Variants in CD1C observed in about 807,000 individuals in gnomAD.
CD1C encodes CD1c molecule, also known as T-cell surface glycoprotein CD1c.
Under a neutral mutation model 39.4 loss-of-function variants are expected in CD1C, and 47 were observed. That is an observed-to-expected ratio of 1.19 (90% confidence interval 0.94 to 1.52). CD1C has a LOEUF of 1.52. CD1C is among the 40% of genes most tolerant of loss of function. The probability of loss-of-function intolerance (pLI) is 0.00; values close to 1 mark genes in which losing one functional copy is unlikely to be tolerated. For synonymous variants in CD1C, 165 were observed against 150.8 expected (o/e 1.09, Z -0.69); for missense variants, 417 against 395.2 (o/e 1.06, Z -0.47).
chr1:158,291,525 C>A (rs918149346), intron 2 of CD1C, 125 bp downstream of exon 2: 3 of 941,414 alleles, frequency 3.2e-6, no homozygotes, highest in South Asian at 1.6e-5. Context: ...ATAGATGAAC[C>A]TTTTAAGGGA....
In CD1C at chr1:158,293,286, T is replaced by C. The variant is rs768553977; in HGVS notation, c.964T>C (p.Trp322Arg). ...PLVILIVLVL[W>R]FKKHCSYQDI... is the part of the protein sequence containing the mutation. ...GGTGATTCTAATAGTCCTTGTGTTA[T>C]GGTTTAAGAAGCACTGGTGAGTTTT... Residue 322 changes from tryptophan to arginine, a missense_variant, in exon 5 of 6, where the codon TGG becomes CGG. Physicochemically the swap from Trp to Arg is moderately radical, Grantham distance 101 (BLOSUM62 -3). Coordinates refer to ENST00000368170, the MANE Select transcript of CD1C (RefSeq NM_001765.3). The C allele has an allele frequency of 1.9e-6, 3 of 1,613,884 alleles. No individual in the cohort carries two copies. The highest frequency in any genetic ancestry group is 1.1e-5 in the South Asian group (1 of 91,040).
At chr1:158,290,222 C>T in intron 1 of CD1C, 97 bp downstream of exon 1, 3 of 1,085,208 alleles carry the variant, frequency 2.8e-6, no homozygotes, top group Non-Finnish European at 4.2e-6. Context: ...GAATGCTTGC[C>T]ATCTGAGCAT....
At chr1:158,292,560 G>T in intron 3 of CD1C, 36 bp from the exon 4 acceptor site, 1 of 1,600,400 alleles carries the variant, frequency 6.2e-7, no homozygotes, top group South Asian at 1.1e-5. Context: ...TTGTGTGTAA[G>T]TTTCTTCATC....
chr1:158,291,979 C>T, intron 2 of CD1C, 105 bp from the exon 3 acceptor site: 1 of 1,127,418 alleles, frequency 8.9e-7, no homozygotes, highest in South Asian at 1.6e-5. Flanking sequence ...CTCTCACATC[C>T]ATGTAAAACT....
In CD1C at chr1:158,294,071, G is replaced by A. The variant is rs113892954; in HGVS notation, c.*595G>A. 9.7e-3 allele frequency among the ~76,000 whole-genome samples: 1,470 copies of A among 152,294 alleles called. 23 individuals are homozygous for A. Among genetic ancestry groups the A allele is most frequent in the Middle Eastern group, 0.068 (20 of 294 alleles). On this transcript the variant is annotated 3_prime_UTR_variant, in exon 6 of 6. Coordinates refer to ENST00000368170, the MANE Select transcript of CD1C (RefSeq NM_001765.3). The stretch of plus-strand genomic sequence containing the variant: ...TCTCCTTAAACATTTAAGGAAAAGT[G>A]CAGCCTTGTGCCTTGATACACTTAT...
At chr1:158,293,078 TTGGAATAGAGTGAC>T in intron 4 of CD1C, 120 bp from the exon 5 acceptor site, 2 of 917,382 alleles carry the variant, frequency 2.2e-6, no homozygotes, top group Non-Finnish European at 3.4e-6. Context: ...TGAGTAAGTT[TTGGAATAGAGTGAC>T]TGAAATAGGA....
chr1:158,292,383 C>A lies in CD1C; in HGVS notation c.610+18C>A, dbSNP rs372819385. 1 of 1,602,666 alleles carries A rather than the reference C, an allele frequency of 6.2e-7. No homozygotes were observed. The highest frequency in any genetic ancestry group is 1.7e-5 in the Admixed American group (1 of 58,872). On this transcript the variant is annotated intron_variant, in intron 3 of 5. Transcript: ENST00000368170. Reference sequence around the variant, plus strand: ...CAGGCAAGGTCAGTAGTTTCAGCCCCTTCCTCTAAGATTTTTCTATTCAAG... The same window carrying A: ...CAGGCAAGGTCAGTAGTTTCAGCCCATTCCTCTAAGATTTTTCTATTCAAG...
rs111303778 is a variant in CD1C, at chr1:158,292,807, G to A, written c.822G>A (p.Glu274=). The A allele has an allele frequency of 2.5e-6, 4 of 1,614,102 alleles. No individual in the cohort carries two copies. Among genetic ancestry groups the A allele is most frequent in the Admixed American group, 3.3e-5 (2 of 60,008 alleles). The change falls in exon 4 of 6, where the codon GAG becomes GAA. Residue 274 remains glutamate (E), a synonymous_variant. Transcript: ENST00000368170. ...LQVILEVASE[E]PAGLSCRVRH... is the part of the protein sequence containing the mutation. ...TGATCCTGGAGGTGGCATCTGAGGA[G>A]CCTGCTGGCCTGTCTTGTCGAGTGA... is the stretch of plus-strand genomic sequence containing the variant.
rs773574801 is a variant in CD1C at position 158,292,296 on chromosome 1, A to G, written c.541A>G (p.Ile181Val). The change falls in exon 3 of 6, where the codon ATA becomes GTA. Residue 181 changes from isoleucine to valine, a missense_variant. Coordinates refer to ENST00000368170, the MANE Select transcript of CD1C (RefSeq NM_001765.3). Reference protein sequence around the residue: ...EGVTETVYNLIRSTCPRFLLG... With the variant: ...EGVTETVYNLVRSTCPRFLLG... ...CGTCACAGAAACAGTGTATAATCTC[A>G]TAAGAAGCACTTGCCCCCGATTTCT... 6 of 1,603,964 alleles carry G rather than the reference A, an allele frequency of 3.7e-6. No homozygotes were observed.
chr1:158,292,001 C>A, intron 2 of CD1C, 83 bp from the exon 3 acceptor site: 1 of 1,398,706 alleles, frequency 7.1e-7, no homozygotes, highest in Non-Finnish European at 9.7e-7. Context: ...TCTTGCTTCA[C>A]TTCCTGATAC....
Position 158,292,676 on chromosome 1 carries a change from T to C in CD1C, c.691T>C (p.Tyr231His), listed in dbSNP as rs980012146. The C allele has an allele frequency of 6.2e-7, 1 of 1,614,008 alleles. No homozygotes were observed. Among genetic ancestry groups the C allele is most frequent in the Non-Finnish European group, 8.5e-7 (1 of 1,180,034 alleles). The change falls in exon 4 of 6, where the codon TAC becomes CAC. Residue 231 changes from tyrosine to histidine, a missense_variant. Tyr to His is a moderately conservative substitution (Grantham distance 83). Coordinates refer to ENST00000368170, the MANE Select transcript of CD1C (RefSeq NM_001765.3). Reference protein sequence around the residue: ...LLLVCHASGFYPKPVWVTWMR... With the variant: ...LLLVCHASGFHPKPVWVTWMR... ...GCTGGTTTGTCATGCCTCCGGCTTCTACCCAAAGCCTGTTTGGGTGACATG... is the reference window on the plus strand; with the variant it reads ...GCTGGTTTGTCATGCCTCCGGCTTCCACCCAAAGCCTGTTTGGGTGACATG...
chr1:158,291,698 A>G (rs969918995), intron 2 of CD1C, among the ~76,000 whole-genome samples: 9 of 152,102 alleles, frequency 5.9e-5, no homozygotes, highest in Non-Finnish European at 1.3e-4. Flanking sequence ...AATAAAATCT[A>G]TTCCCCCATT....
rs951856664 is a variant in CD1C at position 158,293,682 on chromosome 1, A to C, written c.*206A>C. ...ATATAGCACTCAACCTTCAAAGCCC[A>C]TTTCTGATGTCATTTCCTCCAACGA... On this transcript the variant is annotated 3_prime_UTR_variant, in exon 6 of 6. Coordinates refer to ENST00000368170, the MANE Select transcript of CD1C (RefSeq NM_001765.3). 5 of 1,201,548 alleles carry C rather than the reference A, an allele frequency of 4.2e-6. No individual in the cohort carries two copies. The highest frequency in any genetic ancestry group is 5.9e-6 in the Non-Finnish European group (5 of 843,272). 74.4% of individuals were successfully genotyped at this position (1,201,548 alleles called of 1,614,324 possible).
chr1:158,293,218 A>G lies in CD1C; in HGVS notation c.896A>G (p.His299Arg). ...GQDIILYWGH[H>R]FSMNWIALVV... Reference sequence around the variant, plus strand: ...ATCTTTCCAATATGTGCAGGACACCACTTTTCCATGAATTGGATTGCCTTG... The same window carrying G: ...ATCTTTCCAATATGTGCAGGACACCGCTTTTCCATGAATTGGATTGCCTTG... The change falls in exon 5 of 6, where the codon CAC becomes CGC. Residue 299 changes from histidine to arginine, a missense_variant. Physicochemically the swap from His to Arg is conservative, Grantham distance 29. Transcript: ENST00000368170. 6.2e-7 allele frequency: 1 copy of G among 1,612,862 alleles called. No individual in the cohort carries two copies. The highest frequency in any genetic ancestry group is 1.1e-5 in the South Asian group (1 of 91,032).
intron 4 of CD1C, 28 bp from the exon 5 acceptor site, chr1:158,293,184 C>T (rs764842938): frequency 2.6e-6 from 4 of 1,527,064 alleles, no homozygotes; most frequent in Non-Finnish European, 3.6e-6. Flanking sequence ...TTTAAAATGG[C>T]ATCCATGTAT....
rs1377408255 is a variant in CD1C, at chr1:158,291,262, A to G, written c.190A>G (p.Thr64Ala). 2 of 1,614,128 alleles carry G rather than the reference A, an allele frequency of 1.2e-6. No individual in the cohort carries two copies. Among genetic ancestry groups the G allele is most frequent in the Non-Finnish European group, 1.7e-6 (2 of 1,180,020 alleles). Residue 64 changes from threonine to alanine, a missense_variant, in exon 2 of 6, where the codon ACA (threonine) becomes GCA (alanine). By Grantham distance (58) the Thr-to-Ala change is moderately conservative. Coordinates refer to ENST00000368170, the MANE Select transcript of CD1C (RefSeq NM_001765.3). ...TCATGGCTGGGACAGTGAATCAGGC[A>G]CAATAATTTTCCTGCATAACTGGTC... is the stretch of plus-strand genomic sequence containing the variant. Reference protein sequence around the residue: ...QTHGWDSESGTIIFLHNWSKG... With the variant: ...QTHGWDSESGAIIFLHNWSKG...
chr1:158,293,687 T>C lies in CD1C; in HGVS notation c.*211T>C, dbSNP rs1344998018. 1 of 1,166,216 alleles carries C rather than the reference T, an allele frequency of 8.6e-7. No individual in the cohort carries two copies. The highest frequency in any genetic ancestry group is 1.2e-6 in the Non-Finnish European group (1 of 813,742). 72.2% of individuals were successfully genotyped at this position (1,166,216 alleles called of 1,614,324 possible). On this transcript the variant is annotated 3_prime_UTR_variant, in exon 6 of 6. Transcript: ENST00000368170. ...GCACTCAACCTTCAAAGCCCATTTC[T>C]GATGTCATTTCCTCCAACGATCTTC...
At position 158,294,242 on chromosome 1, in the gene CD1C, C is replaced by G. The variant is rs939146245; in HGVS notation, c.*766C>G. Among the ~76,000 whole-genome samples, 1 of 152,154 alleles carries G rather than the reference C, an allele frequency of 6.6e-6. No individual in the cohort carries two copies. The highest frequency in any genetic ancestry group is 1.5e-5 in the Non-Finnish European group (1 of 68,030). On this transcript the variant is annotated 3_prime_UTR_variant, in exon 6 of 6. Transcript: ENST00000368170. ...AGGGTTGGAGTGGGATCAAGGCAACCGTTGTGCTGTATATGGAAGACAAAT... is the reference window on the plus strand; with the variant it reads ...AGGGTTGGAGTGGGATCAAGGCAACGGTTGTGCTGTATATGGAAGACAAAT...
In CD1C at chr1:158,293,306, A is replaced by T. The variant is rs1176387192; in HGVS notation, c.980+4A>T. The T allele has an allele frequency of 1.7e-5, 28 of 1,610,902 alleles. No homozygotes were observed. The highest frequency in any genetic ancestry group is 2.1e-5 in the Non-Finnish European group (25 of 1,178,024). On this transcript the variant is annotated splice_donor_region_variant and intron_variant, in intron 5 of 5. Transcript: ENST00000368170. ...TGTTATGGTTTAAGAAGCACTGGTG[A>T]GTTTTTTGTATTTCCTCCTCTCCTC...
Sources: gnomAD v4.1 joint callset for allele counts (sites outside exome capture counted in the v4.1 genomes callset) on GRCh38, gnomAD v4.1.1 for gene constraint, MANE v1.5 for transcripts, NCBI Gene and HGNC (gene_info 2026-07-23, HGNC 2026-07-21) for gene names.